Variants in MDN1 observed in about 807,000 individuals in gnomAD.
MDN1 encodes the protein midasin AAA ATPase 1, also known as midasin.
MDN1 carries 266 observed loss-of-function variants against 669.2 expected under a neutral mutation model. The observed-to-expected ratio is 0.40, with a 90% CI of 0.36 to 0.44. MDN1 has a LOEUF of 0.44. Among genes scored for constraint, MDN1 ranks in the 20% least tolerant of loss-of-function variants. The pLI, the probability that MDN1 is intolerant of heterozygous loss-of-function variation, is 1.00. For synonymous variants in MDN1, 2,385 were observed against 2,457.1 expected (o/e 0.97, Z 0.87); for missense variants, 5,940 against 6,754.0 (o/e 0.88, Z 4.22).
chr6:89,668,612 T>C (rs1810430852), intron 83 of MDN1, among the ~76,000 whole-genome samples: 1 of 152,176 alleles, frequency 6.6e-6, no homozygotes. Flanking sequence ...AAAGAAAAAG[T>C]AGTAGTGACT....
intron 62 of MDN1, among the ~76,000 whole-genome samples, 166 bp from the exon 63 acceptor site, chr6:89,693,314 G>T (rs570770151): frequency 5.3e-4 from 80 of 152,292 alleles, no homozygotes; most frequent in African/African-American, 1.9e-3. Flanking sequence ...TAATGAAAAT[G>T]GATAACATTT....
rs189922879 is a variant in MDN1, at chr6:89,703,146, A to G, written c.8149-1085T>C. On this transcript the variant is annotated intron_variant, in intron 53 of 101. Coordinates refer to ENST00000369393, the MANE Select transcript of MDN1 (RefSeq NM_014611.3). ...GAGATGGGGTTTCACCATGTTAGCC[A>G]GCCTGGTCTCGAACTCCTAACCTCA... Among the ~76,000 whole-genome samples, 799 of 152,176 alleles carry G rather than the reference A, an allele frequency of 5.3e-3. 6 individuals carry two copies. Among genetic ancestry groups the G allele is most frequent in the Non-Finnish European group, 9.3e-3 (630 of 67,992 alleles).
In MDN1 at chr6:89,661,560, C is replaced by A; in HGVS notation, c.14584G>T (p.Glu4862Ter). Reference sequence around the variant, plus strand: ...TGATTGCCATGGTAAGGGTCCACCTCATTTTCATCATAGTCCCTCTTTGGG... The same window carrying A: ...TGATTGCCATGGTAAGGGTCCACCTAATTTTCATCATAGTCCCTCTTTGGG... ...QIDERDYDEN[E>*]VDPYHGNQEK... Residue 4862 changes from glutamate (E) to a stop codon, truncating the protein, a stop_gained, in exon 88 of 102, where the codon GAG becomes TAG. Transcript: ENST00000369393. LOFTEE classifies it high-confidence loss of function. The A allele has an allele frequency of 6.2e-7, 1 of 1,614,060 alleles. No individual in the cohort carries two copies. Among genetic ancestry groups the A allele is most frequent in the Non-Finnish European group, 8.5e-7 (1 of 1,179,996 alleles).
At position 89,658,704 on chromosome 6, in the gene MDN1, G is replaced by C; in HGVS notation, c.14927C>G (p.Ser4976Cys). 1 of 1,614,166 alleles carries C rather than the reference G, an allele frequency of 6.2e-7. No individual in the cohort carries two copies. Among genetic ancestry groups the C allele is most frequent in the East Asian group, 2.2e-5 (1 of 44,874 alleles). The change falls in exon 89 of 102, where the codon TCT becomes TGT. Residue 4976 changes from serine to cysteine, a missense_variant. By Grantham distance (112) the Ser-to-Cys change is moderately radical. Coordinates refer to ENST00000369393, the MANE Select transcript of MDN1 (RefSeq NM_014611.3). The stretch of plus-strand genomic sequence containing the variant: ...CTCCACAGACTGCTGCTGCTCCTCA[G>C]AGTGTTCTTCAGGATGCTGAGCAGC... ...GDAAQHPEEH[S>C]EEQQQSVEEK...
rs201292166 is a variant in MDN1, at chr6:89,688,800, G to C, written c.11032C>G (p.Leu3678Val). 1.2e-6 allele frequency: 2 copies of C among 1,613,766 alleles called. No individual in the cohort carries two copies. Among genetic ancestry groups the C allele is most frequent in the Non-Finnish European group, 1.7e-6 (2 of 1,179,698 alleles). The change falls in exon 66 of 102, where the codon CTG becomes GTG. Residue 3678 changes from leucine (L) to valine (V), a missense_variant. Physicochemically the swap from Leu to Val is conservative, Grantham distance 32. Transcript: ENST00000369393. ...THFYPLMGVE[L>V]NDRLLGSQLL... Reference sequence around the variant, plus strand: ...TGGCTGCCCAAGAGTCGGTCATTCAGTTCAACTCCTGTGAAGTTAACATCA... The same window carrying C: ...TGGCTGCCCAAGAGTCGGTCATTCACTTCAACTCCTGTGAAGTTAACATCA...
intron 1 of MDN1, among the ~76,000 whole-genome samples, chr6:89,814,384 C>CT (rs35652654): frequency 0.26 from 36,368 of 137,846 alleles, 4,787 homozygotes; most frequent in South Asian, 0.31. Context: ...AATCCCCCTC[C>CT]TTTTTTTTTT....
chr6:89,751,851 C>A (rs1816973277), intron 22 of MDN1, among the ~76,000 whole-genome samples: 1 of 152,168 alleles, frequency 6.6e-6, no homozygotes, highest in South Asian at 2.1e-4. Flanking sequence ...CAGTTCTCTT[C>A]TCTCACATAT....
At chr6:89,734,541 A>G (rs1815798293) in intron 33 of MDN1, among the ~76,000 whole-genome samples, 1 of 151,626 alleles carries the variant, frequency 6.6e-6, no homozygotes, top group Non-Finnish European at 1.5e-5. Context: ...AGTTCCAGCT[A>G]CTTGGCTACT....
rs768508806 is a variant in MDN1 at position 89,695,916 on chromosome 6, G to T, written c.9460C>A (p.Arg3154=). 3 of 1,612,862 alleles carry T rather than the reference G, an allele frequency of 1.9e-6. No homozygotes were observed. The highest frequency in any genetic ancestry group is 3.3e-5 in the Admixed American group (2 of 60,030). The change falls in exon 61 of 102, where the codon CGG becomes AGG. Residue 3154 remains arginine, a synonymous_variant. Coordinates refer to ENST00000369393, the MANE Select transcript of MDN1 (RefSeq NM_014611.3). This position sits in a 1 kb window ranked among gnomAD's most constrained non-coding sequence, Gnocchi z 4.1. ...CAGTTCTGCATGTACTCCTGCCGCC[G>T]GGACTCTGGGAGCAGCTCTGCTAGG... is the stretch of plus-strand genomic sequence containing the variant. ...AGLAELLPES[R]RQEYMQNCEQ... is the part of the protein sequence containing the mutation.
chr6:89,722,864 AAAAG>A, intron 40 of MDN1, 87 bp downstream of exon 40: 3 of 1,149,558 alleles, frequency 2.6e-6, no homozygotes, highest in Non-Finnish European at 3.6e-6. Context: ...AAAAAAAAAA[AAAAG>A]GCTTGCAATT....
chr6:89,716,937 A>C, intron 43 of MDN1, 128 bp from the exon 44 acceptor site: 1 of 1,066,428 alleles, frequency 9.4e-7, no homozygotes, highest in Non-Finnish European at 1.3e-6. Context: ...TAAATAGAAG[A>C]ATGTTTTGCT....
chr6:89,766,903 A>G (rs898504591), intron 15 of MDN1, among the ~76,000 whole-genome samples: 6 of 152,086 alleles, frequency 3.9e-5, no homozygotes, highest in Non-Finnish European at 7.4e-5. Flanking sequence ...TATTTCTACA[A>G]TATCTTTAAT....
chr6:89,657,555 G>A (rs1440144273), intron 90 of MDN1, among the ~76,000 whole-genome samples: 8 of 152,184 alleles, frequency 5.3e-5, no homozygotes, highest in Non-Finnish European at 1.5e-5. Context: ...CACCGTTAAA[G>A]GTATACATTG....
chr6:89,725,418 T>C, intron 37 of MDN1, 22 bp from the exon 38 acceptor site: 2 of 1,587,164 alleles, frequency 1.3e-6, no homozygotes, highest in Non-Finnish European at 1.7e-6. Flanking sequence ...AGAAAGTACA[T>C]AATTTGTCTC....
At chr6:89,784,220 G>C in intron 9 of MDN1, among the ~76,000 whole-genome samples, 1 of 152,038 alleles carries the variant, frequency 6.6e-6, no homozygotes, top group Admixed American at 6.6e-5. Flanking sequence ...GGGAGGCTAA[G>C]GCATGAGAAT....
Position 89,723,413 on chromosome 6 carries a change from A to T in MDN1, c.5778+99T>A, listed in dbSNP as rs559650041. 3.0e-4 allele frequency: 237 copies of T among 788,338 alleles called. 1 individual carries two copies. In the South Asian group the frequency reaches 3.4e-3, roughly 11 times the overall value. The allele number at this position is 788,338 out of a possible 1,614,324, so 48.8% of individuals were successfully genotyped here. Reference sequence around the variant, plus strand: ...TGTAGAATTCAAAGTAATTTTTTTTAGTTAGAGATCCTGATAATTTGGTAG... The same window carrying T: ...TGTAGAATTCAAAGTAATTTTTTTTTGTTAGAGATCCTGATAATTTGGTAG... On this transcript the variant is annotated intron_variant, in intron 39 of 101. Coordinates refer to ENST00000369393, the MANE Select transcript of MDN1 (RefSeq NM_014611.3).
At chr6:89,744,845 G>A (rs1251536890) in intron 29 of MDN1, among the ~76,000 whole-genome samples, 5 of 149,944 alleles carry the variant, frequency 3.3e-5, no homozygotes, top group African/African-American at 1.2e-4. Context: ...TCGCACCACT[G>A]CACTCCAGCC....
intron 61 of MDN1, among the ~76,000 whole-genome samples, 185 bp from the exon 62 acceptor site, chr6:89,694,368 G>T (rs542134830): frequency 6.6e-6 from 1 of 152,140 alleles, no homozygotes; most frequent in Admixed American, 6.6e-5. Flanking sequence ...GGAAAGAAAC[G>T]ATCTTATTTA....
Position 89,790,236 on chromosome 6 carries a change from A to G in MDN1, c.1021T>C (p.Tyr341His), listed in dbSNP as rs763318584. 4 of 1,614,202 alleles carry G rather than the reference A, an allele frequency of 2.5e-6. No individual in the cohort carries two copies. Among genetic ancestry groups the G allele is most frequent in the Admixed American group, 3.3e-5 (2 of 60,024 alleles). Residue 341 changes from tyrosine (Y) to histidine (H), a missense_variant, in exon 6 of 102, where the codon TAT becomes CAT. This residue lies in a region of MDN1 where 1,203 missense variants were observed against 1,268.9 expected (regional missense o/e 0.95). Coordinates refer to ENST00000369393, the MANE Select transcript of MDN1 (RefSeq NM_014611.3). ...GTTCTACCTGTCACTGCAGCTAAATATTCAACTAAGGAAGTTTTGCCACAT... is the reference window on the plus strand; with the variant it reads ...GTTCTACCTGTCACTGCAGCTAAATGTTCAACTAAGGAAGTTTTGCCACAT... ...IGCGKTSLVE[Y>H]LAAVTGRTKP...
Sources: gnomAD v4.1 joint callset for allele counts (sites outside exome capture counted in the v4.1 genomes callset) on GRCh38, gnomAD v4.1.1 for gene constraint, gnomAD v4.1.1 regional missense constraint, Gnocchi (gnomAD v3.1) non-coding constraint, MANE v1.5 for transcripts, NCBI Gene and HGNC (gene_info 2026-07-23, HGNC 2026-07-21) for gene names.